Variants in TRDN observed in about 807,000 individuals in gnomAD.
TRDN encodes the protein triadin in skeletal muscle.
In TRDN, 161 loss-of-function variants were observed where a neutral mutation model predicts 149.7. The ratio of observed to expected loss-of-function variants is 1.08; its 90% confidence interval spans 0.95 to 1.23. The LOEUF is 1.23. TRDN is among the 50% of genes most tolerant of loss of function. The pLI, the probability that TRDN is intolerant of heterozygous loss-of-function variation, is 0.00. For missense variants in TRDN, 896 were observed against 823.5 expected (o/e 1.09, Z -1.08); for synonymous variants, 294 against 250.5 (o/e 1.17, Z -1.64).
chr6:123,553,339 T>C (rs1923184), intron 2 of TRDN, among the ~76,000 whole-genome samples: 4,941 of 152,128 alleles, frequency 0.032, 109 homozygotes, highest in African/African-American at 0.066. Flanking sequence ...ATGCTACCCT[T>C]ATGCTTTCCT....
At chr6:123,484,141 C>A (rs2114778107) in intron 9 of TRDN, among the ~76,000 whole-genome samples, 1 of 151,764 alleles carries the variant, frequency 6.6e-6, no homozygotes, top group East Asian at 2.0e-4. Context: ...AAAGCATCCT[C>A]TGCAGAAAAA....
intron 13 of TRDN, among the ~76,000 whole-genome samples, chr6:123,393,090 C>G (rs1444879251): frequency 6.6e-6 from 1 of 152,006 alleles, no homozygotes; most frequent in African/African-American, 2.4e-5. Flanking sequence ...TGAGACGAAA[C>G]CACTTTAGTT....
At chr6:123,628,174 G>T (rs1259620117) in intron 1 of TRDN, among the ~76,000 whole-genome samples, 1 of 152,232 alleles carries the variant, frequency 6.6e-6, no homozygotes, top group East Asian at 1.9e-4. Flanking sequence ...TTGGCTTTTG[G>T]CATGCCTTCC....
At chr6:123,282,370 A>G (rs1237962619) in intron 24 of TRDN, among the ~76,000 whole-genome samples, 3 of 152,122 alleles carry the variant, frequency 2.0e-5, no homozygotes, top group East Asian at 1.9e-4. Context: ...TCTTCCTAAG[A>G]TGATTAATCA....
At chr6:123,521,097 G>T (rs1488484816) in intron 5 of TRDN, among the ~76,000 whole-genome samples, 4 of 152,056 alleles carry the variant, frequency 2.6e-5, no homozygotes, top group African/African-American at 9.7e-5. Flanking sequence ...CTCCAATCCT[G>T]CAATTGTTTC....
At chr6:123,635,044 C>G (rs1329815789) in intron 1 of TRDN, among the ~76,000 whole-genome samples, 1 of 151,878 alleles carries the variant, frequency 6.6e-6, no homozygotes, top group Non-Finnish European at 1.5e-5. Flanking sequence ...AATCCACAAG[C>G]AAGCCCAAGA....
intron 39 of TRDN, among the ~76,000 whole-genome samples, chr6:123,221,851 T>C (rs1231678416): frequency 6.6e-6 from 1 of 151,748 alleles, no homozygotes; most frequent in Non-Finnish European, 1.5e-5. Context: ...GGATCTTTGA[T>C]GCTCAGAATT....
At chr6:123,469,669 C>T (rs1777039963) in intron 9 of TRDN, 1 of 152,248 alleles carries the variant, frequency 6.6e-6, no homozygotes, top group Non-Finnish European at 1.5e-5. Flanking sequence ...CCATAAAGTC[C>T]TATACAAAGA....
intron 23 of TRDN, among the ~76,000 whole-genome samples, chr6:123,317,497 T>A (rs1327639239): frequency 1.3e-5 from 2 of 151,940 alleles, no homozygotes; most frequent in Non-Finnish European, 1.5e-5. Context: ...TGTCATAGAC[T>A]TTTACACACT....
intron 5 of TRDN, among the ~76,000 whole-genome samples, chr6:123,524,760 A>G (rs555085290): frequency 2.2e-4 from 33 of 152,294 alleles, no homozygotes; most frequent in Admixed American, 1.2e-3. Flanking sequence ...AATTTCAGAA[A>G]TGTTCATAAA....
At chr6:123,255,465 C>G (rs1361288812) in intron 36 of TRDN, among the ~76,000 whole-genome samples, 1 of 152,076 alleles carries the variant, frequency 6.6e-6, no homozygotes, top group African/African-American at 2.4e-5. Context: ...TCCTCCTGCT[C>G]CAATAAACTA....
chr6:123,300,633 G>C (rs1229666575), intron 24 of TRDN, among the ~76,000 whole-genome samples: 1 of 151,874 alleles, frequency 6.6e-6, no homozygotes, highest in African/African-American at 2.4e-5. Context: ...AGCTCCTGAA[G>C]ATAAATTCAA....
chr6:123,393,731 T>A (rs749296130), intron 12 of TRDN, 54 bp from the exon 13 acceptor site: 2 of 1,514,184 alleles, frequency 1.3e-6, no homozygotes, highest in Admixed American at 2.0e-5. Flanking sequence ...GAAAAATATA[T>A]AAATAAAAAA....
At chr6:123,272,074 T>C (rs1777222720) in intron 29 of TRDN, among the ~76,000 whole-genome samples, 1 of 151,952 alleles carries the variant, frequency 6.6e-6, no homozygotes, top group Non-Finnish European at 1.5e-5. Context: ...GCTTTCCTTA[T>C]TCCTATATTT....
intron 9 of TRDN, among the ~76,000 whole-genome samples, chr6:123,475,868 C>A (rs1293885701): frequency 6.6e-6 from 1 of 152,054 alleles, no homozygotes; most frequent in Non-Finnish European, 1.5e-5. Context: ...ACCCGTCATG[C>A]TAAAAACTCT....
chr6:123,280,396 C>T (rs1438570038), intron 24 of TRDN, among the ~76,000 whole-genome samples: 2 of 152,086 alleles, frequency 1.3e-5, no homozygotes, highest in South Asian at 2.1e-4. Flanking sequence ...TCTTCGGTAC[C>T]GTGTTTGCTA....
intron 1 of TRDN, among the ~76,000 whole-genome samples, chr6:123,621,502 A>G (rs1354375395): frequency 6.6e-6 from 1 of 152,146 alleles, no homozygotes; most frequent in Non-Finnish European, 1.5e-5. Flanking sequence ...ACATAAAAAT[A>G]TCATTCATCA....
intron 30 of TRDN, among the ~76,000 whole-genome samples, chr6:123,270,546 T>C (rs1234180561): frequency 6.6e-6 from 1 of 151,994 alleles, no homozygotes; most frequent in Non-Finnish European, 1.5e-5. Context: ...AGATGTGAAT[T>C]GATTTCAAGA....
intron 26 of TRDN, among the ~76,000 whole-genome samples, chr6:123,275,105 C>T (rs539871402): frequency 6.6e-6 from 1 of 152,120 alleles, no homozygotes; most frequent in East Asian, 1.9e-4. Context: ...TAATTGGGTA[C>T]TTACGTGATT....
Sources: gnomAD v4.1 joint callset for allele counts (sites outside exome capture counted in the v4.1 genomes callset) on GRCh38, gnomAD v4.1.1 for gene constraint, MANE v1.5 for transcripts, NCBI Gene and HGNC (gene_info 2026-07-23, HGNC 2026-07-21) for gene names.